Variants in ZNF347 observed in about 807,000 individuals in gnomAD.
ZNF347 encodes zinc finger protein 347, also known as CTD-2620I22.7.
A neutral mutation model predicts 12.9 loss-of-function variants in ZNF347; 19 were observed. The observed-to-expected ratio is 1.47, with a 90% confidence interval of 1.03 to 2.16. The LOEUF is 2.16. ZNF347 is among the 30% of genes most tolerant of loss of function. The pLI is 0.00. For synonymous variants in ZNF347, 328 were observed against 340.6 expected, an observed-to-expected ratio of 0.96 and a Z score of 0.41; for missense variants, 1,005 against 990.6, an observed-to-expected ratio of 1.01 and a Z score of -0.19.
rs750855739 is a variant in ZNF347 at position 53,140,819 on chromosome 19, C to T, written c.2009G>A (p.Arg670Lys). ...KVFTQNSHLA[R>K]HRRVHTGGKP... ...ACCTCCAGTATGAACTCTCCGATGTCTTGCAAGGTGTGAATTCTGAGTGAA... is the reference window on the plus strand; with the variant it reads ...ACCTCCAGTATGAACTCTCCGATGTTTTGCAAGGTGTGAATTCTGAGTGAA... The change falls in exon 5 of 5, where the codon AGA (arginine) becomes AAA (lysine). Residue 670 changes from arginine (R) to lysine (K), a missense_variant. Physicochemically the swap from Arg to Lys is conservative, Grantham distance 26. Coordinates refer to ENST00000334197, the MANE Select transcript of ZNF347 (RefSeq NM_032584.3). The T allele has an allele frequency of 6.2e-7, 1 of 1,613,928 alleles. No individual in the cohort carries two copies.
intron 4 of ZNF347, among the ~76,000 whole-genome samples, chr19:53,144,176 A>G (rs577624144): frequency 1.3e-5 from 2 of 152,294 alleles, no homozygotes; most frequent in East Asian, 3.9e-4. Flanking sequence ...CAATTACAAG[A>G]GAGAGGCCTG....
At position 53,142,178 on chromosome 19, in the gene ZNF347, T is replaced by C; in HGVS notation, c.650A>G (p.Asn217Ser). Residue 217 changes from asparagine (N) to serine (S), a missense_variant, in exon 5 of 5, where the codon AAT (asparagine) becomes AGT (serine). Physicochemically the swap from Asn to Ser is conservative, Grantham distance 46 (BLOSUM62 1). Coordinates refer to ENST00000334197, the MANE Select transcript of ZNF347 (RefSeq NM_032584.3). ...TTGTTGAGGTGGTGAAACTGAGGAATTATTGTTGAAAGACTTCTCAACCTG... is the reference window on the plus strand; with the variant it reads ...TTGTTGAGGTGGTGAAACTGAGGAACTATTGTTGAAAGACTTCTCAACCTG... ...CNQVEKSFNN[N>S]SSVSPPQQMP... 1.2e-6 allele frequency: 2 copies of C among 1,613,986 alleles called. No homozygotes were observed. The highest frequency in any genetic ancestry group is 1.7e-6 in the Non-Finnish European group (2 of 1,179,980).
chr19:53,141,564 T>A lies in ZNF347; in HGVS notation c.1264A>T (p.Ile422Phe). The stretch of plus-strand genomic sequence containing the variant: ...TTGTAAGGTTTCTCTCCAGTGTGAA[T>A]TCTCCAGTGATTTGTAAGGTGTGAA... ...QNSHLTNHWR[I>F]HTGEKPYKCN... The change falls in exon 5 of 5, where the codon ATT becomes TTT. Residue 422 changes from isoleucine (I) to phenylalanine (F), a missense_variant. Physicochemically the swap from Ile to Phe is conservative, Grantham distance 21 (BLOSUM62 0). Coordinates refer to ENST00000334197, the MANE Select transcript of ZNF347 (RefSeq NM_032584.3). 1.2e-6 allele frequency: 2 copies of A among 1,614,074 alleles called. No individual in the cohort carries two copies. The highest frequency in any genetic ancestry group is 1.7e-6 in the Non-Finnish European group (2 of 1,179,988).
At chr19:53,156,550 C>T (rs1428341556) in intron 1 of ZNF347, among the ~76,000 whole-genome samples, 1 of 152,174 alleles carries the variant, frequency 6.6e-6, no homozygotes, top group African/African-American at 2.4e-5. Context: ...TCTCTTAACC[C>T]CTCCTCGGCT....
At position 53,141,500 on chromosome 19, in the gene ZNF347, C is replaced by T. The variant is rs757987108; in HGVS notation, c.1328G>A (p.Ser443Asn). Residue 443 changes from serine to asparagine, a missense_variant, in exon 5 of 5, where the codon AGC (serine) becomes AAC (asparagine). By Grantham distance (46) the Ser-to-Asn change is conservative. Coordinates refer to ENST00000334197, the MANE Select transcript of ZNF347 (RefSeq NM_032584.3). Reference protein sequence around the residue: ...ECGKAFGVRSSLAIHLVIHTG... With the variant: ...ECGKAFGVRSNLAIHLVIHTG... ...GTGAATTACCAGATGAATAGCTAGG[C>T]TTGAACGAACACCAAAGGCTTTGCC... The T allele has an allele frequency of 2.2e-5, 35 of 1,613,668 alleles. No individual in the cohort carries two copies. The highest frequency in any genetic ancestry group is 2.8e-5 in the Non-Finnish European group (33 of 1,179,982).
In ZNF347 at chr19:53,135,339, T is replaced by TATAGAGAGAGAGAGAGAGAGAG. The variant is rs2090381896; in HGVS notation, c.*4968_*4969insCTCTCTCTCTCTCTCTCTCTAT. On this transcript the variant is annotated 3_prime_UTR_variant, in exon 5 of 5. Coordinates refer to ENST00000334197, the MANE Select transcript of ZNF347 (RefSeq NM_032584.3). ...ATATATATATATATATATATATATA[T>TATAGAGAGAGAGAGAGAGAGAG]AGAGAGAGAGAGAGAGAGAGAGAGA... is the stretch of plus-strand genomic sequence containing the variant. 1.2e-5 allele frequency: 1 copy of TATAGAGAGAGAGAGAGAGAGAG among 85,256 alleles called. No homozygotes were observed. Among genetic ancestry groups the TATAGAGAGAGAGAGAGAGAGAG allele is most frequent in the African/African-American group, 5.8e-5 (1 of 17,160 alleles). 5.3% of individuals were successfully genotyped at this position (85,256 alleles called of 1,614,324 possible).
At chr19:53,157,459 G>A (rs1248993539) in intron 1 of ZNF347, among the ~76,000 whole-genome samples, 1 of 151,692 alleles carries the variant, frequency 6.6e-6, no homozygotes, top group Non-Finnish European at 1.5e-5. Flanking sequence ...TTTGCGCGTC[G>A]TTCTGAGCCC....
rs777937818 is a variant in ZNF347, at chr19:53,140,957, G to C, written c.1871C>G (p.Pro624Arg). The change falls in exon 5 of 5, where the codon CCT becomes CGT. Residue 624 changes from proline to arginine, a missense_variant. By Grantham distance (103) the Pro-to-Arg change is moderately radical. Coordinates refer to ENST00000334197, the MANE Select transcript of ZNF347 (RefSeq NM_032584.3). ...TTTGCCATACTCATTATACTTGTAAGGTTTCTCTCCAGTATGAATTCGCTG... is the reference window on the plus strand; with the variant it reads ...TTTGCCATACTCATTATACTTGTAACGTTTCTCTCCAGTATGAATTCGCTG... ...RHQRIHTGEK[P>R]YKYNEYGKAF... 3 of 1,613,920 alleles carry C rather than the reference G, an allele frequency of 1.9e-6. No homozygotes were observed. The highest frequency in any genetic ancestry group is 1.7e-6 in the Non-Finnish European group (2 of 1,179,982).
In ZNF347 at chr19:53,141,269, T is replaced by C. The variant is rs891936580; in HGVS notation, c.1559A>G (p.Lys520Arg). Reference sequence around the variant, plus strand: ...AAGGTGTGAATTTTGAGTGAAGACCTTGCCACATTCATTACATTTGTAAGG... The same window carrying C: ...AAGGTGTGAATTTTGAGTGAAGACCCTGCCACATTCATTACATTTGTAAGG... ...EKPYKCNECG[K>R]VFTQNSHLAN... Residue 520 changes from lysine to arginine, a missense_variant, in exon 5 of 5, where the codon AAG becomes AGG. Lys to Arg is a conservative substitution (Grantham distance 26). Coordinates refer to ENST00000334197, the MANE Select transcript of ZNF347 (RefSeq NM_032584.3). 1.2e-5 allele frequency: 20 copies of C among 1,613,782 alleles called. No homozygotes were observed. The highest frequency in any genetic ancestry group is 5.0e-5 in the Admixed American group (3 of 59,964).
intron 4 of ZNF347, among the ~76,000 whole-genome samples, chr19:53,145,253 G>A (rs1168023538): frequency 4.3e-5 from 6 of 138,408 alleles, no homozygotes; most frequent in African/African-American, 8.2e-5. Context: ...ATTGTGCCAT[G>A]CACTCCAGCC....
chr19:53,139,016 A>C lies in ZNF347; in HGVS notation c.*1292T>G, dbSNP rs1185904640. The C allele has an allele frequency of 1.3e-5, 2 of 152,314 alleles. No individual in the cohort carries two copies. The highest frequency in any genetic ancestry group is 3.9e-4 in the East Asian group (2 of 5,188). 9.4% of individuals were successfully genotyped at this position (152,314 alleles called of 1,614,324 possible). A position where few individuals can be genotyped will look rare whatever the true frequency, so the allele number is the denominator to read the frequency against. On this transcript the variant is annotated 3_prime_UTR_variant, in exon 5 of 5. Transcript: ENST00000334197. ...AATTTCAAAAATAAGCCTATTTTTCATCAATCTCTGCTATAAAACAGCTAT... is the reference window on the plus strand; with the variant it reads ...AATTTCAAAAATAAGCCTATTTTTCCTCAATCTCTGCTATAAAACAGCTAT...
At chr19:53,147,230 C>A (rs1366633074) in intron 4 of ZNF347, among the ~76,000 whole-genome samples, 1 of 152,066 alleles carries the variant, frequency 6.6e-6, no homozygotes, top group Admixed American at 6.6e-5. Context: ...CAAAAATCAG[C>A]CAAGTGTGGT....
chr19:53,145,387 A>C (rs2090456619), intron 4 of ZNF347, among the ~76,000 whole-genome samples: 1 of 151,664 alleles, frequency 6.6e-6, no homozygotes, highest in Non-Finnish European at 1.5e-5. Context: ...GAAGGAAATA[A>C]AACATTTCTT....
chr19:53,142,673 T>C, intron 4 of ZNF347, 117 bp from the exon 5 acceptor site: 1 of 738,204 alleles, frequency 1.4e-6, no homozygotes. Context: ...AATTCTTATA[T>C]TAAACAGATT....
At chr19:53,155,950 C>T (rs1009775831) in intron 1 of ZNF347, among the ~76,000 whole-genome samples, 1 of 148,770 alleles carries the variant, frequency 6.7e-6, no homozygotes, top group Non-Finnish European at 1.5e-5. Flanking sequence ...ACATTCTGCT[C>T]TCACACTAAA....
chr19:53,135,177 A>G lies in ZNF347; in HGVS notation c.*5131T>C, dbSNP rs2090378027. On this transcript the variant is annotated 3_prime_UTR_variant, in exon 5 of 5. Transcript: ENST00000334197. ...AAATGTGACAAGATGAGTCTTTTAA[A>G]GCAGAATATGCTGAGATCTGAGATT... The G allele has an allele frequency of 6.6e-6, 1 of 151,980 alleles. No individual in the cohort carries two copies. Among genetic ancestry groups the G allele is most frequent in the Non-Finnish European group, 1.5e-5 (1 of 67,998 alleles). 9.4% of individuals were successfully genotyped at this position (151,980 alleles called of 1,614,324 possible). A position where few individuals can be genotyped will look rare whatever the true frequency, so the allele number is the denominator to read the frequency against.
Position 53,139,986 on chromosome 19 carries a change from C to T in ZNF347, c.*322G>A, listed in dbSNP as rs759805486. 27 of 210,236 alleles carry T rather than the reference C, an allele frequency of 1.3e-4. No individual in the cohort carries two copies. Among genetic ancestry groups the T allele is most frequent in the South Asian group, 3.7e-4 (3 of 8,078 alleles). 13.0% of individuals were successfully genotyped at this position (210,236 alleles called of 1,614,324 possible). On this transcript the variant is annotated 3_prime_UTR_variant, in exon 5 of 5. Transcript: ENST00000334197. ...CACGATCTTGGCTCACTGCAACCTCCGCCTCCTGGGTTCAAGTGATTCTCC... is the reference window on the plus strand; with the variant it reads ...CACGATCTTGGCTCACTGCAACCTCTGCCTCCTGGGTTCAAGTGATTCTCC...
Position 53,140,958 on chromosome 19 carries a change from G to A in ZNF347, c.1870C>T (p.Pro624Ser), listed in dbSNP as rs1351778927. The change falls in exon 5 of 5, where the codon CCT (proline) becomes TCT (serine). Residue 624 changes from proline to serine, a missense_variant. Physicochemically the swap from Pro to Ser is moderately conservative, Grantham distance 74. Transcript: ENST00000334197. Reference sequence around the variant, plus strand: ...TTGCCATACTCATTATACTTGTAAGGTTTCTCTCCAGTATGAATTCGCTGA... The same window carrying A: ...TTGCCATACTCATTATACTTGTAAGATTTCTCTCCAGTATGAATTCGCTGA... Reference protein sequence around the residue: ...RHQRIHTGEKPYKYNEYGKAF... With the variant: ...RHQRIHTGEKSYKYNEYGKAF... The A allele has an allele frequency of 1.9e-6, 3 of 1,613,682 alleles. No homozygotes were observed. The African/African-American group carries it at 4.0e-5, about 22-fold the overall frequency.
At position 53,141,476 on chromosome 19, in the gene ZNF347, T is replaced by A; in HGVS notation, c.1352A>T (p.His451Leu). The A allele has an allele frequency of 1.9e-6, 3 of 1,613,924 alleles. No individual in the cohort carries two copies. Among genetic ancestry groups the A allele is most frequent in the Non-Finnish European group, 2.5e-6 (3 of 1,179,986 alleles). The change falls in exon 5 of 5, where the codon CAC becomes CTC. Residue 451 changes from histidine to leucine, a missense_variant. Physicochemically the swap from His to Leu is moderately conservative, Grantham distance 99. Transcript: ENST00000334197. Reference protein sequence around the residue: ...RSSLAIHLVIHTGEKPYKCHE... With the variant: ...RSSLAIHLVILTGEKPYKCHE... ...ACATTTGTAAGGCTTTTCTCCGGTG[T>A]GAATTACCAGATGAATAGCTAGGCT...
Sources: allele counts gnomAD v4.1 joint callset (sites outside exome capture counted in the v4.1 genomes callset), GRCh38; gene constraint gnomAD v4.1.1; transcripts MANE v1.5; gene names NCBI Gene and HGNC (gene_info 2026-07-23, HGNC 2026-07-21).